BTBD10: variants seen among roughly 807,000 people sequenced by gnomAD.
BTBD10 encodes BTB/POZ domain-containing protein 10.
A neutral mutation model predicts 53.2 loss-of-function variants in BTBD10; 21 were observed. The observed-to-expected ratio is 0.39, with a 90% CI of 0.28 to 0.57. The LOEUF (loss-of-function observed/expected upper bound fraction) is 0.57. Among genes scored for constraint, BTBD10 ranks in the 20% least tolerant of loss-of-function variants. BTBD10 has a pLI of 0.53. For missense variants in BTBD10, 360 were observed against 594.7 expected, an observed-to-expected ratio of 0.61 and a Z score of 4.10; for synonymous variants, 149 against 192.7, an observed-to-expected ratio of 0.77 and a Z score of 1.88.
chr11:13,442,115 G>A (rs1052881602), intron 2 of BTBD10, among the ~76,000 whole-genome samples: 45 of 152,146 alleles, frequency 3.0e-4, no homozygotes, highest in African/African-American at 9.4e-4. Context: ...ACATGCACCC[G>A]CCATTGCCTA....
chr11:13,444,506 T>C (rs1950719308), intron 2 of BTBD10, among the ~76,000 whole-genome samples: 1 of 152,134 alleles, frequency 6.6e-6, no homozygotes, highest in Admixed American at 6.5e-5. Context: ...AAACTTGAAA[T>C]GAATTTTATT....
intron 1 of BTBD10, among the ~76,000 whole-genome samples, chr11:13,447,327 A>T (rs1376156414): frequency 6.6e-6 from 1 of 151,990 alleles, no homozygotes; most frequent in African/African-American, 2.4e-5. Flanking sequence ...TGCAATCATA[A>T]CTCACTGCAG....
chr11:13,409,795 C>G (rs1949901651), intron 6 of BTBD10, among the ~76,000 whole-genome samples: 1 of 152,188 alleles, frequency 6.6e-6, no homozygotes, highest in South Asian at 2.1e-4. Flanking sequence ...TGTCTGTCCT[C>G]CCAACCAGAC....
At chr11:13,423,951 G>A (rs1296239509) in intron 2 of BTBD10, among the ~76,000 whole-genome samples, 1 of 152,020 alleles carries the variant, frequency 6.6e-6, no homozygotes, top group Non-Finnish European at 1.5e-5. Context: ...TTAGAGGACA[G>A]CTGCATCAAT....
At chr11:13,390,379 T>C (rs1396486035) in intron 8 of BTBD10, among the ~76,000 whole-genome samples, 1 of 151,918 alleles carries the variant, frequency 6.6e-6, no homozygotes, top group East Asian at 1.9e-4. Context: ...ATAGAGTCTC[T>C]GTCACCCAGG....
intron 2 of BTBD10, among the ~76,000 whole-genome samples, chr11:13,431,696 G>C (rs1201745813): frequency 6.6e-6 from 1 of 152,106 alleles, no homozygotes; most frequent in Non-Finnish European, 1.5e-5. Flanking sequence ...AAGATCAAGT[G>C]TAGAAGCAAA....
rs546889308 is a variant in BTBD10, at chr11:13,403,393, G to A, written c.1007-115C>T. On this transcript the variant is annotated intron_variant, in intron 7 of 8. Coordinates refer to ENST00000278174, the MANE Select transcript of BTBD10 (RefSeq NM_032320.7). ...AGTCCTAAAAGCCCAAATAATGGAT[G>A]CAGTAATGCCAAAGGATGACTAGCC... 3.6e-5 allele frequency: 19 copies of A among 521,526 alleles called. No individual in the cohort carries two copies. The South Asian group carries it at 6.7e-4, about 18-fold the overall frequency. The allele number at this position is 521,526 out of a possible 1,614,324, so 32.3% of individuals were successfully genotyped here.
chr11:13,402,456 G>A (rs948744202), intron 8 of BTBD10, among the ~76,000 whole-genome samples: 2 of 152,144 alleles, frequency 1.3e-5, no homozygotes, highest in South Asian at 2.1e-4. Context: ...ATTTTTAAGT[G>A]CCTTGGCCAA....
At chr11:13,417,131 A>T in intron 5 of BTBD10, 27 bp downstream of exon 5, 1 of 1,540,806 alleles carries the variant, frequency 6.5e-7, no homozygotes. Context: ...TCTTATGATT[A>T]AGTCAATACT....
rs947271316 is a variant in BTBD10 at position 13,404,234 on chromosome 11, C to T, written c.1007-956G>A. Among the ~76,000 whole-genome samples, 7 of 151,986 alleles carry T rather than the reference C, an allele frequency of 4.6e-5. 1 individual carries two copies. The East Asian group carries it at 5.8e-4, about 13-fold the overall frequency. On this transcript the variant is annotated intron_variant, in intron 7 of 8. Coordinates refer to ENST00000278174, the MANE Select transcript of BTBD10 (RefSeq NM_032320.7). ...AAAGTCACATATAGAAAAATCAGGC[C>T]GAAAGGCTATCTCTAGCTCCTCAAA...
intron 6 of BTBD10, among the ~76,000 whole-genome samples, chr11:13,406,470 C>A (rs1191461775): frequency 6.6e-6 from 1 of 152,246 alleles, no homozygotes; most frequent in East Asian, 1.9e-4. Flanking sequence ...TATCTCCCTA[C>A]TGAAGATGCC....
chr11:13,401,062 G>T (rs1413683235), intron 8 of BTBD10, among the ~76,000 whole-genome samples: 4 of 151,118 alleles, frequency 2.6e-5, no homozygotes. Context: ...ATTTTGTTGG[G>T]TATGTTAAAA....
At chr11:13,459,351 C>A (rs1591180589) in intron 1 of BTBD10, among the ~76,000 whole-genome samples, 1 of 152,140 alleles carries the variant, frequency 6.6e-6, no homozygotes. Flanking sequence ...AGCCACCATG[C>A]CTGGCTGGCT....
In BTBD10 at chr11:13,426,602, G is replaced by A. The variant is rs761014183; in HGVS notation, c.102-4764C>T. Among the ~76,000 whole-genome samples the A allele has an allele frequency of 3.9e-4, 59 of 152,092 alleles. 1 individual carries two copies. The highest frequency in any genetic ancestry group is 1.1e-3 in the Admixed American group (17 of 15,262). On this transcript the variant is annotated intron_variant, in intron 2 of 8. Transcript: ENST00000278174. ...GAGAAAGAAATGCAAGTATACTTTT[G>A]TAAGGTTTTTACACCACACAAGAAA...
At chr11:13,390,017 A>T (rs1207428587) in intron 8 of BTBD10, among the ~76,000 whole-genome samples, 1 of 152,164 alleles carries the variant, frequency 6.6e-6, no homozygotes, top group Non-Finnish European at 1.5e-5. Flanking sequence ...GCGTTCCCTG[A>T]TTAATAGTAC....
intron 8 of BTBD10, among the ~76,000 whole-genome samples, chr11:13,393,192 C>A (rs542932368): frequency 2.6e-4 from 40 of 152,230 alleles, no homozygotes; most frequent in Middle Eastern, 3.4e-3. Context: ...GTAGAAGAGG[C>A]CTTAGGTAGG....
At position 13,388,906 on chromosome 11, in the gene BTBD10, C is replaced by T. The variant is rs985253020; in HGVS notation, c.1353G>A (p.Glu451=). 1.9e-6 allele frequency: 3 copies of T among 1,614,090 alleles called. No individual in the cohort carries two copies. The highest frequency in any genetic ancestry group is 2.5e-6 in the Non-Finnish European group (3 of 1,180,050). The change falls in exon 9 of 9, where the codon GAG becomes GAA. Residue 451 remains glutamate, a synonymous_variant. Coordinates refer to ENST00000278174, the MANE Select transcript of BTBD10 (RefSeq NM_032320.7). ...VVMHPTPQVD[E]LDILPIHPPS... The stretch of plus-strand genomic sequence containing the variant: ...GGGGATGGATAGGGAGAATATCCAG[C>T]TCATCCACTTGTGGAGTTGGATGCA...
intron 2 of BTBD10, among the ~76,000 whole-genome samples, chr11:13,442,631 A>T (rs1028270469): frequency 6.6e-6 from 1 of 152,148 alleles, no homozygotes; most frequent in Non-Finnish European, 1.5e-5. Flanking sequence ...TCAAGCTGAT[A>T]ATTATTCTTT....
intron 6 of BTBD10, among the ~76,000 whole-genome samples, chr11:13,413,039 G>A (rs1007232169): frequency 4.6e-5 from 7 of 152,148 alleles, no homozygotes; most frequent in African/African-American, 1.7e-4. Flanking sequence ...CTTGGATGAA[G>A]TCATTTAATC....
Sources: allele counts gnomAD v4.1 joint callset (sites outside exome capture counted in the v4.1 genomes callset), GRCh38; gene constraint gnomAD v4.1.1; transcripts MANE v1.5; gene names NCBI Gene and HGNC (gene_info 2026-07-23, HGNC 2026-07-21).